Variants in EXOC6B observed in about 807,000 individuals in gnomAD.
The protein encoded by EXOC6B is SEC15 homolog B.
Under a neutral mutation model 113.5 loss-of-function variants are expected in EXOC6B, and 54 were observed. That is an observed-to-expected ratio of 0.48 (90% CI 0.38 to 0.60). EXOC6B has a LOEUF of 0.60. Ranked by LOEUF, EXOC6B falls within the 20% of genes least tolerant of loss-of-function variation. The pLI is 0.00. For missense variants in EXOC6B, 797 were observed against 977.5 expected (o/e 0.82, Z 2.46); for synonymous variants, 357 against 339.0 (o/e 1.05, Z -0.58).
At chr2:72,752,382 A>G (rs567507628) in intron 1 of EXOC6B, among the ~76,000 whole-genome samples, 5 of 152,128 alleles carry the variant, frequency 3.3e-5, no homozygotes, top group Non-Finnish European at 5.9e-5. Flanking sequence ...AGGTTATTCC[A>G]TCAATACTTT....
At chr2:72,273,459 A>G (rs1684622710) in intron 20 of EXOC6B, among the ~76,000 whole-genome samples, 1 of 152,160 alleles carries the variant, frequency 6.6e-6, no homozygotes, top group African/African-American at 2.4e-5. Context: ...TAAACACAGT[A>G]TAGTATGATA....
chr2:72,495,570 C>T, intron 14 of EXOC6B, 31 bp from the exon 15 acceptor site: 1 of 1,158,370 alleles, frequency 8.6e-7, no homozygotes, highest in Admixed American at 2.0e-5. Flanking sequence ...GAAATCAAGT[C>T]ACAAACCAAC....
intron 20 of EXOC6B, among the ~76,000 whole-genome samples, chr2:72,215,579 AG>A (rs1269590372): frequency 3.3e-5 from 5 of 152,176 alleles, no homozygotes; most frequent in Admixed American, 1.3e-4. Context: ...TCAAACAGAC[AG>A]GGGACATGAG....
intron 1 of EXOC6B, among the ~76,000 whole-genome samples, chr2:72,787,725 C>T (rs1376286186): frequency 6.6e-6 from 1 of 152,182 alleles, no homozygotes; most frequent in East Asian, 1.9e-4. Flanking sequence ...GGACTCACTG[C>T]AGGTGATCCT....
At chr2:72,441,579 A>AGGAT (rs1696203617) in intron 18 of EXOC6B, among the ~76,000 whole-genome samples, 1 of 152,222 alleles carries the variant, frequency 6.6e-6, no homozygotes, top group South Asian at 2.1e-4. Context: ...AAACCCGCAG[A>AGGAT]AATACAAATA....
intron 6 of EXOC6B, among the ~76,000 whole-genome samples, chr2:72,713,152 T>G (rs1679378614): frequency 6.6e-6 from 1 of 152,180 alleles, no homozygotes; most frequent in Non-Finnish European, 1.5e-5. Context: ...GAAGCCTATG[T>G]ACCAACCTGG....
intron 15 of EXOC6B, among the ~76,000 whole-genome samples, chr2:72,494,699 G>A (rs368733030): frequency 9.2e-5 from 14 of 152,128 alleles, no homozygotes; most frequent in African/African-American, 2.6e-4. Context: ...CCTCATTTGT[G>A]TTTGGCTTGG....
At chr2:72,725,706 T>TA (rs1680258214) in intron 5 of EXOC6B, among the ~76,000 whole-genome samples, 1 of 152,126 alleles carries the variant, frequency 6.6e-6, no homozygotes, top group African/African-American at 2.4e-5. Flanking sequence ...TAGACAATAA[T>TA]AAGTATTGGC....
chr2:72,776,404 C>T (rs1444017254), intron 1 of EXOC6B, among the ~76,000 whole-genome samples: 1 of 152,072 alleles, frequency 6.6e-6, no homozygotes, highest in Non-Finnish European at 1.5e-5. Context: ...ACTGTTTTAG[C>T]TCAGGAATTC....
chr2:72,649,391 G>C (rs1002249476), intron 6 of EXOC6B, among the ~76,000 whole-genome samples: 24 of 152,116 alleles, frequency 1.6e-4, no homozygotes, highest in African/African-American at 5.6e-4. Flanking sequence ...GCAAATGCTT[G>C]AGGTGACAAT....
At chr2:72,208,685 C>A (rs1679982818) in intron 20 of EXOC6B, among the ~76,000 whole-genome samples, 1 of 152,094 alleles carries the variant, frequency 6.6e-6, no homozygotes, top group African/African-American at 2.4e-5. Context: ...TAAGATCCAG[C>A]CCTCTGCCTC....
At chr2:72,659,765 T>C (rs866848203) in intron 6 of EXOC6B, among the ~76,000 whole-genome samples, 19 of 152,164 alleles carry the variant, frequency 1.2e-4, no homozygotes, top group African/African-American at 3.9e-4. Flanking sequence ...AACTGTCAAC[T>C]TCTCAGCATA....
intron 20 of EXOC6B, among the ~76,000 whole-genome samples, chr2:72,332,250 T>C (rs1688454816): frequency 1.3e-5 from 2 of 152,040 alleles, no homozygotes; most frequent in Non-Finnish European, 2.9e-5. Context: ...TTAAGCTAGA[T>C]AACTGACTCA....
chr2:72,819,683 G>A (rs900380563), intron 1 of EXOC6B, among the ~76,000 whole-genome samples: 1 of 152,160 alleles, frequency 6.6e-6, no homozygotes, highest in Non-Finnish European at 1.5e-5. Context: ...AAAGGTGGAA[G>A]ATGACTCACA....
chr2:72,552,537 A>G (rs990771088), intron 8 of EXOC6B, among the ~76,000 whole-genome samples: 2 of 152,098 alleles, frequency 1.3e-5, no homozygotes, highest in African/African-American at 4.8e-5. Flanking sequence ...AACAACACTG[A>G]CTTACAAATC....
chr2:72,471,375 A>T (rs978951021), intron 17 of EXOC6B, among the ~76,000 whole-genome samples: 3 of 152,152 alleles, frequency 2.0e-5, no homozygotes, highest in Non-Finnish European at 4.4e-5. Context: ...CCTTTGTCAG[A>T]TGAGTAGGTT....
At chr2:72,354,700 T>C (rs1021355988) in intron 19 of EXOC6B, among the ~76,000 whole-genome samples, 1 of 152,114 alleles carries the variant, frequency 6.6e-6, no homozygotes, top group African/African-American at 2.4e-5. Context: ...GAGTATAGGG[T>C]CCATCATCTG....
intron 6 of EXOC6B, among the ~76,000 whole-genome samples, chr2:72,702,156 G>C (rs1007643289): frequency 1.1e-4 from 16 of 144,182 alleles, no homozygotes; most frequent in African/African-American, 4.1e-4. Flanking sequence ...CCACCTATGA[G>C]TGAGAATATG....
chr2:72,822,335 T>C (rs1211691806), intron 1 of EXOC6B, among the ~76,000 whole-genome samples: 1 of 152,294 alleles, frequency 6.6e-6, no homozygotes, highest in African/African-American at 2.4e-5. Flanking sequence ...AAGAGAGAGA[T>C]AGCTACTTTC....
Sources: allele counts gnomAD v4.1 joint callset (sites outside exome capture counted in the v4.1 genomes callset), GRCh38; gene constraint gnomAD v4.1.1; transcripts MANE v1.5; gene names NCBI Gene and HGNC (gene_info 2026-07-23, HGNC 2026-07-21).